The following IL34 variants were observed in gnomAD, a reference collection of about 807,000 sequenced individuals.
The protein encoded by IL34 is interleukin-34.
IL34 carries 17 observed loss-of-function variants against 25.3 expected under a neutral mutation model. The observed-to-expected ratio is 0.67, with a 90% confidence interval of 0.46 to 1.01. The LOEUF is 1.01. Among genes scored for constraint, IL34 ranks in the 50% least tolerant of loss-of-function variants. The pLI is 0.00. For synonymous variants in IL34, 174 were observed against 140.9 expected (o/e 1.23, Z -1.66); for missense variants, 368 against 312.9 (o/e 1.18, Z -1.33).
At chr16:70,598,314 C>A (rs766687097) in intron 1 of IL34, among the ~76,000 whole-genome samples, 2 of 152,256 alleles carry the variant, frequency 1.3e-5, no homozygotes, top group Non-Finnish European at 1.5e-5. Context: ...TGGTTGGTGT[C>A]CTGGCCTCTA....
intron 1 of IL34, among the ~76,000 whole-genome samples, chr16:70,594,229 T>C (rs995501417): frequency 2.0e-5 from 3 of 152,212 alleles, no homozygotes; most frequent in African/African-American, 4.8e-5. Context: ...CTTAACAATA[T>C]TGAATCATCC....
chr16:70,618,495 A>G (rs113708633), intron 1 of IL34, among the ~76,000 whole-genome samples: 2 of 151,986 alleles, frequency 1.3e-5, no homozygotes, highest in Non-Finnish European at 2.9e-5. Flanking sequence ...GTTATGAGAA[A>G]TGTAGAGAGT....
upstream of IL34, among the ~76,000 whole-genome samples, chr16:70,644,308 C>G (rs185670246): frequency 2.0e-5 from 3 of 152,228 alleles, no homozygotes; most frequent in East Asian, 1.9e-4. Context: ...TCAACTGATT[C>G]ACCCGCCTCG....
chr16:70,634,525 C>T (rs545930662), intron 1 of IL34, among the ~76,000 whole-genome samples: 1 of 151,938 alleles, frequency 6.6e-6, no homozygotes, highest in East Asian at 1.9e-4. Context: ...ACTAAAAATA[C>T]AAAAATTAGC....
chr16:70,656,714 C>T, intron 3 of IL34, 35 bp downstream of exon 3: 3 of 1,065,696 alleles, frequency 2.8e-6, no homozygotes, highest in Non-Finnish European at 4.4e-6. Flanking sequence ...GGGACCCTGC[C>T]TCCTGCGACA....
At chr16:70,620,970 G>A (rs1266105054) in intron 1 of IL34, among the ~76,000 whole-genome samples, 1 of 152,146 alleles carries the variant, frequency 6.6e-6, no homozygotes, top group African/African-American at 2.4e-5. Context: ...ACGGAGAAGG[G>A]GTGGAGGGTT....
upstream of IL34, among the ~76,000 whole-genome samples, chr16:70,645,907 G>C (rs1372202342): frequency 6.6e-6 from 1 of 152,004 alleles, no homozygotes; most frequent in East Asian, 1.9e-4. Flanking sequence ...ACAAAAATTA[G>C]CCAGGCATGG....
At chr16:70,629,016 C>T (rs1420304052) in intron 1 of IL34, among the ~76,000 whole-genome samples, 1 of 152,144 alleles carries the variant, frequency 6.6e-6, no homozygotes, top group Non-Finnish European at 1.5e-5. Flanking sequence ...TCTCAAACTC[C>T]TGGCCTCAAG....
At chr16:70,601,653 G>A (rs1427557160) in intron 1 of IL34, among the ~76,000 whole-genome samples, 2 of 152,194 alleles carry the variant, frequency 1.3e-5, no homozygotes, top group Non-Finnish European at 2.9e-5. Context: ...GCCTGTCTTG[G>A]CCTCCCCAAG....
In IL34 at chr16:70,660,107, C is replaced by T. The variant is rs751216629; in HGVS notation, c.649C>T (p.Pro217Ser). 6.2e-7 allele frequency: 1 copy of T among 1,613,466 alleles called. No homozygotes were observed. The highest frequency in any genetic ancestry group is 2.2e-5 in the East Asian group (1 of 44,850). Residue 217 changes from proline (P) to serine (S), a missense_variant, in exon 6 of 6, where the codon CCG (proline) becomes TCG (serine). Physicochemically the swap from Pro to Ser is moderately conservative, Grantham distance 74 (BLOSUM62 -1). Transcript: ENST00000288098. ...GGCCACCCAGCTGTACCCTCCGCCC[C>T]CGTGGTCCCCCAGCTCCCCGCCTCA... Reference protein sequence around the residue: ...YAATQLYPPPPWSPSSPPHST... With the variant: ...YAATQLYPPPSWSPSSPPHST...
At chr16:70,641,882 C>A (rs2051793019), upstream of IL34, among the ~76,000 whole-genome samples, 2 of 151,942 alleles carry the variant, frequency 1.3e-5, no homozygotes, top group South Asian at 4.1e-4. Context: ...TTAATAATTT[C>A]AAAATGACAC....
intron 1 of IL34, among the ~76,000 whole-genome samples, chr16:70,619,679 T>A (rs1212873733): frequency 1.3e-5 from 2 of 152,208 alleles, no homozygotes; most frequent in Non-Finnish European, 2.9e-5. Context: ...AAGCTCAGCG[T>A]CTGTGATGGT....
At chr16:70,635,021 C>G (rs962607658) in intron 1 of IL34, among the ~76,000 whole-genome samples, 3 of 152,156 alleles carry the variant, frequency 2.0e-5, no homozygotes, top group African/African-American at 7.2e-5. Flanking sequence ...TTAGAAGTGC[C>G]TATGATTCAT....
At chr16:70,634,424 A>G (rs2051592091) in intron 1 of IL34, among the ~76,000 whole-genome samples, 1 of 152,072 alleles carries the variant, frequency 6.6e-6, no homozygotes, top group African/African-American at 2.4e-5. Flanking sequence ...TCATGCCTGT[A>G]ATCCCAGCAC....
intron 1 of IL34, among the ~76,000 whole-genome samples, chr16:70,650,976 C>T (rs780754979): frequency 1.4e-4 from 22 of 152,246 alleles, no homozygotes; most frequent in Middle Eastern, 3.4e-3. Context: ...TTTGGGAAGC[C>T]GAGGTGAGTG....
In IL34 at chr16:70,657,327, G is replaced by A. The variant is rs1567468425; in HGVS notation, c.402+206G>A. 4 of 581,426 alleles carry A rather than the reference G, an allele frequency of 6.9e-6. No homozygotes were observed. The East Asian group carries it at 8.8e-5, about 13-fold the overall frequency. The allele number at this position is 581,426 out of a possible 1,614,324, so 36.0% of individuals were successfully genotyped here. ...GGCAGCCGTGGTGGTCATGAGAGCC[G>A]GGCTCGGGGTGCAGGCGATGCCTCT... On this transcript the variant is annotated intron_variant, in intron 4 of 5. Transcript: ENST00000288098.
intron 4 of IL34, among the ~76,000 whole-genome samples, chr16:70,658,456 G>C (rs538617076): frequency 1.3e-5 from 2 of 150,454 alleles, no homozygotes; most frequent in Non-Finnish European, 3.0e-5. Context: ...ACAGGACTGG[G>C]ATTACATCCT....
At chr16:70,599,304 C>CTTT (rs372428379) in intron 1 of IL34, among the ~76,000 whole-genome samples, 4,621 of 125,864 alleles carry the variant, frequency 0.037, 246 homozygotes, top group East Asian at 0.12. Flanking sequence ...TTCTTTCTTT[C>CTTT]CTTCTTTCTT....
intron 1 of IL34, 52 bp downstream of exon 1, chr16:70,647,027 T>C: frequency 9.9e-6 from 14 of 1,407,592 alleles, no homozygotes; most frequent in Non-Finnish European, 1.2e-5. Context: ...TTGGCCTAGA[T>C]CCAGGATCTG....
Sources: gnomAD v4.1 joint callset for allele counts (sites outside exome capture counted in the v4.1 genomes callset) on GRCh38, gnomAD v4.1.1 for gene constraint, MANE v1.5 for transcripts, NCBI Gene and HGNC (gene_info 2026-07-23, HGNC 2026-07-21) for gene names.